The following JMJD1C variants were observed in gnomAD, a reference collection of about 807,000 sequenced individuals.
The protein encoded by JMJD1C is jumonji domain-containing protein 1C.
Under a neutral mutation model 245.3 loss-of-function variants are expected in JMJD1C, and 31 were observed. The ratio of observed to expected loss-of-function variants is 0.13; its 90% CI spans 0.09 to 0.17. The LOEUF (loss-of-function observed/expected upper bound fraction) is 0.17. Ranked by LOEUF, JMJD1C falls within the 10% of genes least tolerant of loss-of-function variation. The pLI is 1.00. For missense variants in JMJD1C, 2,691 were observed against 3,000.2 expected, an observed-to-expected ratio of 0.90 and a Z score of 2.41; for synonymous variants, 1,057 against 1,017.4, an observed-to-expected ratio of 1.04 and a Z score of -0.74.
intron 2 of JMJD1C, among the ~76,000 whole-genome samples, chr10:63,309,494 C>CAAAAAA (rs71025153): frequency 6.1e-5 from 3 of 49,376 alleles, no homozygotes; most frequent in Admixed American, 3.2e-4. Context: ...GACTCCATCT[C>CAAAAAA]AAAAAAAAAA....
intron 2 of JMJD1C, among the ~76,000 whole-genome samples, chr10:63,345,560 T>G (rs556871204): frequency 4.0e-5 from 6 of 149,918 alleles, no homozygotes; most frequent in African/African-American, 1.2e-4. Flanking sequence ...AATCTCAAAA[T>G]TAATGAATGA....
chr10:63,423,830 A>T (rs577051750), intron 1 of JMJD1C, among the ~76,000 whole-genome samples: 46 of 152,272 alleles, frequency 3.0e-4, no homozygotes, highest in Admixed American at 2.1e-3. Context: ...TGTATTTTTT[A>T]AAAAAATTAT....
chr10:63,216,019 T>G (rs1045212578), intron 5 of JMJD1C, among the ~76,000 whole-genome samples: 6 of 152,186 alleles, frequency 3.9e-5, no homozygotes, highest in African/African-American at 1.4e-4. Context: ...GAAAGTAATT[T>G]TCAAAAAGCA....
At position 63,193,019 on chromosome 10, in the gene JMJD1C, T is replaced by C. The variant is rs1253490105; in HGVS notation, c.5995A>G (p.Lys1999Glu). The C allele has an allele frequency of 6.2e-7, 1 of 1,614,176 alleles. No individual in the cohort carries two copies. Among genetic ancestry groups the C allele is most frequent in the South Asian group, 1.1e-5 (1 of 91,090 alleles). Residue 1999 changes from lysine to glutamate, a missense_variant, in exon 16 of 26, where the codon AAG becomes GAG. Lys to Glu is a moderately conservative substitution (Grantham distance 56). This residue lies in a region of JMJD1C where 275 missense variants were observed against 285.5 expected (regional missense o/e 0.96). Transcript: ENST00000399262. ...GACTGGGATTCTGGAGGAGTTAACT[T>C]GTTATCTGTGCCTACATCACTCTCT... ...SPESDVGTDN[K>E]LTPPESQSPL...
At position 63,210,112 on chromosome 10, in the gene JMJD1C, T is replaced by C. The variant is rs797010753; in HGVS notation, c.2695-877A>G. Among the ~76,000 whole-genome samples the C allele has an allele frequency of 1.2e-4, 18 of 152,052 alleles. 1 individual carries two copies. Among genetic ancestry groups the C allele is most frequent in the African/African-American group, 4.4e-4 (18 of 41,374 alleles). On this transcript the variant is annotated intron_variant, in intron 8 of 25. Transcript: ENST00000399262. ...GCTATGAAATTAAAAACATACACTATAGCCATAAACCCCACATAAGAGAAA... is the reference window on the plus strand; with the variant it reads ...GCTATGAAATTAAAAACATACACTACAGCCATAAACCCCACATAAGAGAAA...
Position 63,217,343 on chromosome 10 carries a change from C to T in JMJD1C, c.554-12G>A. The stretch of plus-strand genomic sequence containing the variant: ...TAAGGAATAAGGACCTTAAAAAAAA[C>T]ACAAGAAACAGAAACATCTTAAATG... On this transcript the variant is annotated splice_polypyrimidine_tract_variant and intron_variant, in intron 4 of 25. Coordinates refer to ENST00000399262, the MANE Select transcript of JMJD1C (RefSeq NM_032776.3). 6.5e-7 allele frequency: 1 copy of T among 1,539,692 alleles called. No homozygotes were observed. The highest frequency in any genetic ancestry group is 8.7e-7 in the Non-Finnish European group (1 of 1,144,104).
chr10:63,385,599 C>T (rs997572290), intron 1 of JMJD1C, among the ~76,000 whole-genome samples: 3 of 151,470 alleles, frequency 2.0e-5, no homozygotes, highest in Non-Finnish European at 2.9e-5. Flanking sequence ...TACCATGACC[C>T]GGCTAATGTT....
intron 2 of JMJD1C, among the ~76,000 whole-genome samples, chr10:63,277,938 T>C (rs1166318624): frequency 6.6e-6 from 1 of 151,788 alleles, no homozygotes; most frequent in African/African-American, 2.4e-5. Flanking sequence ...GGTTTCGCCA[T>C]GTTGGCCAGG....
chr10:63,492,673 T>TC (rs1240550068), intron 1 of JMJD1C, among the ~76,000 whole-genome samples: 4 of 151,634 alleles, frequency 2.6e-5, no homozygotes, highest in Non-Finnish European at 5.9e-5. Context: ...AGGCTCTGTC[T>TC]CAAAACAATA....
intron 2 of JMJD1C, among the ~76,000 whole-genome samples, chr10:63,343,178 A>G (rs61376342): frequency 0.025 from 3,761 of 152,186 alleles, 161 homozygotes; most frequent in African/African-American, 0.084. Context: ...CCTGGACAAC[A>G]TGGCGAAACC....
chr10:63,234,397 A>G (rs7907993), intron 3 of JMJD1C, among the ~76,000 whole-genome samples: 2 of 148,146 alleles, frequency 1.4e-5, no homozygotes, highest in Non-Finnish European at 3.0e-5. Context: ...GAGAGGCTGA[A>G]GTGGGAGGAT....
At chr10:63,449,323 G>A (rs1040329594) in intron 1 of JMJD1C, among the ~76,000 whole-genome samples, 1 of 151,910 alleles carries the variant, frequency 6.6e-6, no homozygotes, top group Non-Finnish European at 1.5e-5. Context: ...TGATCATAAT[G>A]ATAAAACAAA....
In JMJD1C at chr10:63,312,975, G is replaced by T. The variant is rs576473529; in HGVS notation, c.334-48211C>A. Among the ~76,000 whole-genome samples the T allele has an allele frequency of 3.3e-5, 5 of 151,994 alleles. No individual in the cohort carries two copies. The East Asian group carries it at 7.7e-4, about 23-fold the overall frequency. ...ACTTTTTTTTTCCATAGGTTTTTGG[G>T]GAACAGGTAGCTTTTGGATACATGA... On this transcript the variant is annotated intron_variant, in intron 2 of 25. Coordinates refer to ENST00000399262, the MANE Select transcript of JMJD1C (RefSeq NM_032776.3).
intron 2 of JMJD1C, among the ~76,000 whole-genome samples, chr10:63,283,146 A>G (rs754083615): frequency 6.6e-6 from 1 of 152,258 alleles, no homozygotes; most frequent in Non-Finnish European, 1.5e-5. Context: ...AAGCCTTACA[A>G]GTTCATCCCT....
intron 1 of JMJD1C, among the ~76,000 whole-genome samples, chr10:63,499,813 A>T (rs1299040712): frequency 6.6e-6 from 1 of 152,254 alleles, no homozygotes; most frequent in Admixed American, 6.5e-5. Flanking sequence ...AAACATACAC[A>T]ATATCAAAGA....
chr10:63,377,730 G>T (rs981374935), intron 2 of JMJD1C, among the ~76,000 whole-genome samples: 1 of 151,244 alleles, frequency 6.6e-6, no homozygotes, highest in Non-Finnish European at 1.5e-5. Flanking sequence ...GCAAGACTCC[G>T]TCTCAAAAAA....
chr10:63,257,179 G>A (rs1854066069), intron 3 of JMJD1C, among the ~76,000 whole-genome samples: 2 of 142,524 alleles, frequency 1.4e-5, no homozygotes, highest in South Asian at 2.2e-4. Flanking sequence ...GGAGGTTGCA[G>A]TGAGCTGAGA....
chr10:63,229,462 GACA>G (rs1181556381), intron 3 of JMJD1C, among the ~76,000 whole-genome samples: 23 of 151,954 alleles, frequency 1.5e-4, no homozygotes, highest in African/African-American at 4.1e-4. Flanking sequence ...GAAGAAATAG[GACA>G]ACAATTTATA....
chr10:63,430,425 T>C (rs1950678940), intron 1 of JMJD1C, among the ~76,000 whole-genome samples: 2 of 152,220 alleles, frequency 1.3e-5, no homozygotes, highest in African/African-American at 4.8e-5. Context: ...GGAAGTTGTC[T>C]TAACAACATG....
Sources: allele counts gnomAD v4.1 joint callset (sites outside exome capture counted in the v4.1 genomes callset), GRCh38; gene constraint gnomAD v4.1.1; regional missense constraint gnomAD v4.1.1; transcripts MANE v1.5; gene names NCBI Gene and HGNC (gene_info 2026-07-23, HGNC 2026-07-21).